The following METTL15 variants were observed in gnomAD, a reference collection of about 807,000 sequenced individuals.
METTL15 encodes 12S rRNA N(4)-cytidine methyltransferase METTL15.
In METTL15, 34 loss-of-function variants were observed where a neutral mutation model predicts 38.3. The ratio of observed to expected loss-of-function variants is 0.89; its 90% confidence interval spans 0.68 to 1.18. The LOEUF is 1.18. METTL15 is among the 50% of genes most tolerant of loss of function. METTL15 has a pLI of 0.00. For missense variants in METTL15, 438 were observed against 498.4 expected, an observed-to-expected ratio of 0.88 and a Z score of 1.15; for synonymous variants, 162 against 170.9, an observed-to-expected ratio of 0.95 and a Z score of 0.41.
At chr11:28,324,901 T>C (rs947345450) in intron 6 of METTL15, among the ~76,000 whole-genome samples, 27 of 152,328 alleles carry the variant, frequency 1.8e-4, no homozygotes, top group African/African-American at 6.3e-4. Context: ...TCGACAGCTT[T>C]CTTATACTAG....
At position 28,500,095 on chromosome 11, in the gene METTL15, C is replaced by T. The variant is rs556790729; in HGVS notation, c.*425-26383C>T. 1.2e-3 allele frequency among the ~76,000 whole-genome samples: 178 copies of T among 151,440 alleles called. 1 individual carries two copies. The highest frequency in any genetic ancestry group is 3.4e-3 in the Middle Eastern group (1 of 294). On this transcript the variant is annotated intron_variant and NMD_transcript_variant, in intron 6 of 7. Transcript: ENST00000532947. The stretch of plus-strand genomic sequence containing the variant: ...CAAATACCAAGATGAAGTCCTGATG[C>T]CTTAGGAACAGAGGCCCATGACATA...
chr11:28,305,873 G>T (rs1300505139), intron 6 of METTL15, among the ~76,000 whole-genome samples: 1 of 152,064 alleles, frequency 6.6e-6, no homozygotes, highest in Admixed American at 6.6e-5. Flanking sequence ...GCCTATTTAT[G>T]GAAGAGTTCC....
At chr11:28,514,681 T>C (rs1029065877) in intron 6 of METTL15, among the ~76,000 whole-genome samples, 2 of 152,188 alleles carry the variant, frequency 1.3e-5, no homozygotes, top group African/African-American at 4.8e-5. Flanking sequence ...TGTTGAAGTG[T>C]TGACACCTTC....
intron 3 of METTL15, among the ~76,000 whole-genome samples, chr11:28,191,733 C>T (rs754579651): frequency 6.6e-6 from 1 of 151,340 alleles, no homozygotes; most frequent in Non-Finnish European, 1.5e-5. Flanking sequence ...TAGATAAACT[C>T]CTGAAAGGCA....
At chr11:28,113,225 G>A (rs1851788926) in intron 2 of METTL15, 93 bp from the exon 3 acceptor site, 3 of 822,470 alleles carry the variant, frequency 3.6e-6, no homozygotes, top group South Asian at 2.1e-5. Flanking sequence ...TTTTTTTGAT[G>A]TGCTAAATAT....
intron 5 of METTL15, among the ~76,000 whole-genome samples, chr11:28,411,312 C>T (rs980856730): frequency 1.3e-5 from 2 of 151,790 alleles, no homozygotes. Flanking sequence ...AAGTTGGAGG[C>T]ATCACATCTT....
chr11:28,214,593 G>A (rs566471778), intron 4 of METTL15, among the ~76,000 whole-genome samples: 52 of 152,190 alleles, frequency 3.4e-4, no homozygotes, highest in Non-Finnish European at 6.5e-4. Flanking sequence ...TAAATATAAG[G>A]AAACTACTTA....
intron 5 of METTL15, among the ~76,000 whole-genome samples, chr11:28,420,632 A>G (rs34548197): frequency 0.069 from 10,483 of 152,192 alleles, 487 homozygotes; most frequent in Non-Finnish European, 0.1. Flanking sequence ...AGGTCAATGA[A>G]GAGATTAATA....
At chr11:28,317,818 C>T (rs949013443) in intron 6 of METTL15, among the ~76,000 whole-genome samples, 5 of 152,132 alleles carry the variant, frequency 3.3e-5, no homozygotes, top group African/African-American at 1.2e-4. Flanking sequence ...CATAAGAAAA[C>T]CAAGGATTCA....
At chr11:28,417,307 C>A (rs918554002) in intron 5 of METTL15, among the ~76,000 whole-genome samples, 2 of 152,046 alleles carry the variant, frequency 1.3e-5, no homozygotes, top group Non-Finnish European at 1.5e-5. Context: ...TTAGTATTTG[C>A]AAAAAGAATA....
chr11:28,293,585 C>G (rs942659719), intron 5 of METTL15, among the ~76,000 whole-genome samples: 29 of 152,138 alleles, frequency 1.9e-4, no homozygotes, highest in African/African-American at 6.0e-4. Flanking sequence ...TTTTCCAATT[C>G]TGTGAAGAAA....
At chr11:28,378,940 T>G (rs1850352678) in intron 5 of METTL15, among the ~76,000 whole-genome samples, 1 of 152,022 alleles carries the variant, frequency 6.6e-6, no homozygotes, top group Non-Finnish European at 1.5e-5. Context: ...TGTTCATAGG[T>G]CAGTCCTGGT....
chr11:28,396,074 T>C (rs1376466145), intron 5 of METTL15, among the ~76,000 whole-genome samples: 1 of 152,018 alleles, frequency 6.6e-6, no homozygotes, highest in East Asian at 1.9e-4. Context: ...TCTCAATAAA[T>C]TAGGTATTGA....
chr11:28,140,078 A>T (rs1313450138), intron 3 of METTL15, among the ~76,000 whole-genome samples: 1 of 152,172 alleles, frequency 6.6e-6, no homozygotes, highest in African/African-American at 2.4e-5. Context: ...GGAGGGAAGC[A>T]GGGAGGATGG....
At chr11:28,213,708 T>C (rs1398195285) in intron 4 of METTL15, among the ~76,000 whole-genome samples, 2 of 149,926 alleles carry the variant, frequency 1.3e-5, no homozygotes, top group Non-Finnish European at 3.0e-5. Flanking sequence ...CAGGCCGGAC[T>C]GCAGTGGCGC....
In METTL15 at chr11:28,330,393, T is replaced by C; in HGVS notation, c.779-3T>C. On this transcript the variant is annotated splice_polypyrimidine_tract_variant and splice_region_variant and intron_variant, in intron 6 of 6. Coordinates refer to ENST00000407364, the MANE Select transcript of METTL15 (RefSeq NM_001113528.2). ...TTTCCTATCTTTACAACATTTGTTTTAGGAGCATTTCCTCCCTCTGCTATT... is the reference window on the plus strand; with the variant it reads ...TTTCCTATCTTTACAACATTTGTTTCAGGAGCATTTCCTCCCTCTGCTATT... 5 of 1,533,836 alleles carry C rather than the reference T, an allele frequency of 3.3e-6. No individual in the cohort carries two copies. Among genetic ancestry groups the C allele is most frequent in the Non-Finnish European group, 4.4e-6 (5 of 1,140,832 alleles).
intron 5 of METTL15, among the ~76,000 whole-genome samples, chr11:28,413,403 T>A (rs1227982028): frequency 6.6e-6 from 1 of 152,178 alleles, no homozygotes; most frequent in Non-Finnish European, 1.5e-5. Flanking sequence ...ACATTTCCAC[T>A]TAAAAAAAGA....
chr11:28,485,957 C>T (rs1031410929), intron 6 of METTL15, among the ~76,000 whole-genome samples: 3 of 152,108 alleles, frequency 2.0e-5, no homozygotes, highest in Non-Finnish European at 2.9e-5. Context: ...GGCCACTAAA[C>T]CTACCAATTA....
intron 3 of METTL15, among the ~76,000 whole-genome samples, chr11:28,128,426 C>G (rs1463181811): frequency 6.6e-6 from 1 of 151,878 alleles, no homozygotes; most frequent in African/African-American, 2.4e-5. Context: ...TCGGGGAGTA[C>G]AGTTTTGTAA....
Sources: allele counts gnomAD v4.1 joint callset (sites outside exome capture counted in the v4.1 genomes callset), GRCh38; gene constraint gnomAD v4.1.1; transcripts MANE v1.5; gene names NCBI Gene and HGNC (gene_info 2026-07-23, HGNC 2026-07-21).